The following ERICH6 variants were observed in gnomAD, a reference collection of about 807,000 sequenced individuals.
ERICH6 encodes glutamate rich 6, also known as glutamate-rich protein 6.
In ERICH6, 71 loss-of-function variants were observed where a neutral mutation model predicts 71.0. That is an observed-to-expected ratio of 1.00 (90% CI 0.83 to 1.22). The LOEUF (loss-of-function observed/expected upper bound fraction) is 1.22. Ranked by LOEUF, ERICH6 falls within the 50% of genes most tolerant of loss-of-function variation. ERICH6 has a pLI of 0.00. For missense variants in ERICH6, 808 were observed against 797.2 expected (o/e 1.01, Z -0.16); for synonymous variants, 262 against 278.4 (o/e 0.94, Z 0.59).
chr3:150,677,038 C>T (rs1711688604), intron 10 of ERICH6, among the ~76,000 whole-genome samples: 1 of 152,250 alleles, frequency 6.6e-6, no homozygotes, highest in African/African-American at 2.4e-5. Context: ...TCTCGAACTC[C>T]TGAGCTCACA....
intron 13 of ERICH6, among the ~76,000 whole-genome samples, chr3:150,661,862 C>G (rs1455498034): frequency 6.6e-6 from 1 of 151,980 alleles, no homozygotes; most frequent in Non-Finnish European, 1.5e-5. Flanking sequence ...GCCTGGGTGA[C>G]AGAGCAAAAC....
At chr3:150,682,730 T>G (rs1712020327) in intron 6 of ERICH6, among the ~76,000 whole-genome samples, 2 of 152,186 alleles carry the variant, frequency 1.3e-5, no homozygotes, top group Admixed American at 1.3e-4. Context: ...TGAACATCAT[T>G]AACTCTTTCA....
intron 2 of ERICH6, among the ~76,000 whole-genome samples, chr3:150,699,735 A>AC (rs551923176): frequency 0.092 from 13,848 of 149,880 alleles, 898 homozygotes; most frequent in Middle Eastern, 0.17. Flanking sequence ...AAAAAAAAAA[A>AC]CACAAAAAAC....
intron 3 of ERICH6, among the ~76,000 whole-genome samples, chr3:150,698,065 G>A (rs1263172518): frequency 6.6e-6 from 1 of 152,146 alleles, no homozygotes; most frequent in East Asian, 1.9e-4. Flanking sequence ...GGCACCCTGT[G>A]TAAACTTGCA....
chr3:150,662,248 G>C (rs1256256582), intron 13 of ERICH6, among the ~76,000 whole-genome samples: 2 of 152,164 alleles, frequency 1.3e-5, no homozygotes, highest in Non-Finnish European at 2.9e-5. Flanking sequence ...CTGGCGAAAG[G>C]TACAACTCAC....
intron 6 of ERICH6, 41 bp downstream of exon 6, chr3:150,685,701 T>C (rs778969097): frequency 6.9e-7 from 1 of 1,458,594 alleles, no homozygotes; most frequent in Non-Finnish European, 9.6e-7. Context: ...TCTTATGTCA[T>C]TTTTTTAAGA....
rs1300995776 is a variant in ERICH6 at position 150,682,293 on chromosome 3, G to C, written c.807C>G (p.Pro269=). The C allele has an allele frequency of 6.2e-7, 1 of 1,613,434 alleles. No individual in the cohort carries two copies. The highest frequency in any genetic ancestry group is 8.5e-7 in the Non-Finnish European group (1 of 1,179,998). The stretch of plus-strand genomic sequence containing the variant: ...GATCGCTGCCACAAAATTCACATTT[G>C]GGTGATGTCTCCTCCTCTTCATCCT... The part of the protein sequence containing the change: ...NFKDEEEETS[P]KCEFCGSDLR... The change falls in exon 7 of 14, where the codon CCC becomes CCG. Residue 269 remains proline (P), a synonymous_variant. Transcript: ENST00000295910.
At chr3:150,703,008 G>GAGAA (rs1369389282) in intron 1 of ERICH6, among the ~76,000 whole-genome samples, 1 of 150,590 alleles carries the variant, frequency 6.6e-6, no homozygotes. Flanking sequence ...GAGAGAGAGA[G>GAGAA]AGAGAGATGT....
At chr3:150,699,477 C>T (rs974785452) in intron 2 of ERICH6, among the ~76,000 whole-genome samples, 1 of 152,128 alleles carries the variant, frequency 6.6e-6, no homozygotes, top group African/African-American at 2.4e-5. Context: ...AGCAGACTCT[C>T]CTATGCAAGC....
At position 150,673,942 on chromosome 3, in the gene ERICH6, T is replaced by G; in HGVS notation, c.1343+14A>C. The stretch of plus-strand genomic sequence containing the variant: ...TAATAAAGCTAATAAAAATAACTTG[T>G]TGAAAGAGGATACAATATTTGTGTT... On this transcript the variant is annotated intron_variant, in intron 11 of 13. Coordinates refer to ENST00000295910, the MANE Select transcript of ERICH6 (RefSeq NM_152394.5). 2 of 1,610,558 alleles carry G rather than the reference T, an allele frequency of 1.2e-6. No homozygotes were observed. The highest frequency in any genetic ancestry group is 8.5e-7 in the Non-Finnish European group (1 of 1,177,926).
chr3:150,695,732 C>G (rs573219807), intron 3 of ERICH6, among the ~76,000 whole-genome samples: 1 of 151,192 alleles, frequency 6.6e-6, no homozygotes, highest in Admixed American at 6.6e-5. Context: ...AAACACCTAG[C>G]ATAGACTAAT....
At chr3:150,660,294 G>C in intron 13 of ERICH6, 139 bp from the exon 14 acceptor site, 12 of 941,918 alleles carry the variant, frequency 1.3e-5, no homozygotes, top group South Asian at 1.7e-5. Context: ...AAGCAGGGGC[G>C]GTGGTGTTAT....
intron 3 of ERICH6, among the ~76,000 whole-genome samples, chr3:150,691,113 T>C (rs13082773): frequency 0.41 from 62,663 of 152,124 alleles, 14,975 homozygotes; most frequent in Non-Finnish European, 0.52. Flanking sequence ...TCTTTTTCAC[T>C]GTCTCAGTTA....
Position 150,680,513 on chromosome 3 carries a change from G to A in ERICH6, c.1066C>T (p.His356Tyr), listed in dbSNP as rs539788084. 1.5e-5 allele frequency: 25 copies of A among 1,614,132 alleles called. No homozygotes were observed. Among genetic ancestry groups the A allele is most frequent in the South Asian group, 5.5e-5 (5 of 91,084 alleles). The stretch of plus-strand genomic sequence containing the variant: ...TGTTCCCTTGATATTATTGCAAAAT[G>A]TCTGGCCATTCGTTGCTCCTGTTTC... The part of the protein sequence containing the change: ...QRKQEQRMAR[H>Y]FAIISREQTH... The change falls in exon 9 of 14, where the codon CAT becomes TAT. Residue 356 changes from histidine to tyrosine, a missense_variant. Physicochemically the swap from His to Tyr is moderately conservative, Grantham distance 83. This residue lies in a region of ERICH6 where 736 missense variants were observed against 712.2 expected (regional missense o/e 1.03). Coordinates refer to ENST00000295910, the MANE Select transcript of ERICH6 (RefSeq NM_152394.5).
chr3:150,703,912 CG>C lies in ERICH6; in HGVS notation c.-15del. On this transcript the variant is annotated 5_prime_UTR_variant, in exon 1 of 14. Coordinates refer to ENST00000295910, the MANE Select transcript of ERICH6 (RefSeq NM_152394.5). ...CAAGTGGGCCATGGCTGGCGGGAGGCGGGATTACAGCCAGCTCTTTGGCCGC... is the reference window on the plus strand; with the variant it reads ...CAAGTGGGCCATGGCTGGCGGGAGGCGGATTACAGCCAGCTCTTTGGCCGC... The C allele has an allele frequency of 3.1e-6, 5 of 1,612,092 alleles. No homozygotes were observed. The highest frequency in any genetic ancestry group is 4.2e-6 in the Non-Finnish European group (5 of 1,178,934).
chr3:150,665,079 G>A (rs548715600), intron 13 of ERICH6, among the ~76,000 whole-genome samples: 9 of 152,098 alleles, frequency 5.9e-5, no homozygotes, highest in Admixed American at 1.3e-4. Context: ...ATTTACTATG[G>A]ATGTAATGTA....
At chr3:150,676,912 C>T (rs1007194457) in intron 10 of ERICH6, among the ~76,000 whole-genome samples, 3 of 151,904 alleles carry the variant, frequency 2.0e-5, no homozygotes, top group African/African-American at 7.3e-5. Context: ...CTCCCAGGTT[C>T]AAGCAATTCT....
chr3:150,667,151 A>G, intron 12 of ERICH6, 136 bp from the exon 13 acceptor site: 1 of 736,772 alleles, frequency 1.4e-6, no homozygotes, highest in South Asian at 1.8e-5. Context: ...ACTTCAGGTA[A>G]TCTTAGGAGT....
At position 150,680,825 on chromosome 3, in the gene ERICH6, CT is replaced by C; in HGVS notation, c.987del (p.Ala330ProfsTer30). On this transcript the variant is annotated frameshift_variant, in exon 8 of 14. Coordinates refer to ENST00000295910, the MANE Select transcript of ERICH6 (RefSeq NM_152394.5). LOFTEE classifies it high-confidence loss of function. ...AGTCTGTCGACCTCACTACCATGGG[CT>C]GCATGAGGGTCAATAGCAATTAATT... ...KAELIAIDPH[A>X]AHGSEVDRLK... 1 of 1,614,012 alleles carries C rather than the reference CT, an allele frequency of 6.2e-7. No individual in the cohort carries two copies. Among genetic ancestry groups the C allele is most frequent in the Non-Finnish European group, 8.5e-7 (1 of 1,179,992 alleles).
Sources: gnomAD v4.1 joint callset for allele counts (sites outside exome capture counted in the v4.1 genomes callset) on GRCh38, gnomAD v4.1.1 for gene constraint, gnomAD v4.1.1 regional missense constraint, MANE v1.5 for transcripts, NCBI Gene and HGNC (gene_info 2026-07-23, HGNC 2026-07-21) for gene names.